The following TRPC7 variants were observed in gnomAD, a reference collection of about 807,000 sequenced individuals.
TRPC7 encodes the protein transient receptor potential cation channel subfamily C member 7.
In TRPC7, 42 loss-of-function variants were observed where a neutral mutation model predicts 90.1. That is an observed-to-expected ratio of 0.47 (90% CI 0.36 to 0.60). TRPC7 has a LOEUF of 0.60. Among genes scored for constraint, TRPC7 ranks in the 20% least tolerant of loss-of-function variants. TRPC7 has a pLI of 0.00. For missense variants in TRPC7, 955 were observed against 1,112.3 expected (o/e 0.86, Z 2.01); for synonymous variants, 451 against 436.3 (o/e 1.03, Z -0.42).
At chr5:136,221,421 G>A (rs143285017) in intron 10 of TRPC7, among the ~76,000 whole-genome samples, 17 of 152,266 alleles carry the variant, frequency 1.1e-4, no homozygotes, top group East Asian at 1.9e-4. Flanking sequence ...GCCCAGACCC[G>A]GCCCAAACTA....
Position 136,231,415 on chromosome 5 carries a change from A to G in TRPC7, c.1979T>C (p.Met660Thr), listed in dbSNP as rs1179975834. 1.2e-6 allele frequency: 2 copies of G among 1,612,882 alleles called. No individual in the cohort carries two copies. The highest frequency in any genetic ancestry group is 1.7e-5 in the Admixed American group (1 of 59,970). ...TAGCATGTTGAGCAACACTACCACC[A>G]TGGTGACGTTATAAACGCCGTAGAG... ...YVLYGVYNVT[M>T]VVVLLNMLIA... The change falls in exon 8 of 12, where the codon ATG (methionine) becomes ACG (threonine). Residue 660 changes from methionine (M) to threonine (T), a missense_variant. By Grantham distance (81) the Met-to-Thr change is moderately conservative. Around this residue, in one of 4 missense-constraint regions of TRPC7, gnomAD observed 296 missense variants for 422.7 expected, o/e 0.70. Coordinates refer to ENST00000513104, the MANE Select transcript of TRPC7 (RefSeq NM_020389.3).
intron 3 of TRPC7, among the ~76,000 whole-genome samples, chr5:136,299,669 C>T (rs1758309680): frequency 6.6e-6 from 1 of 152,106 alleles, no homozygotes; most frequent in Non-Finnish European, 1.5e-5. Context: ...CATATATGAG[C>T]ATCGAATAAT....
At chr5:136,239,148 CATTA>C (rs553238496) in intron 7 of TRPC7, among the ~76,000 whole-genome samples, 17 of 152,192 alleles carry the variant, frequency 1.1e-4, no homozygotes, top group Admixed American at 9.2e-4. Context: ...GCCTAACTTG[CATTA>C]ATTAATTAAT....
intron 3 of TRPC7, among the ~76,000 whole-genome samples, chr5:136,293,030 C>T (rs1465400052): frequency 2.6e-5 from 4 of 152,118 alleles, no homozygotes; most frequent in Non-Finnish European, 4.4e-5. Flanking sequence ...ATAAACAGAA[C>T]CAAAGACAAA....
At chr5:136,264,112 T>C (rs574772027) in intron 5 of TRPC7, among the ~76,000 whole-genome samples, 42 of 152,346 alleles carry the variant, frequency 2.8e-4, no homozygotes, top group African/African-American at 1.0e-3. Context: ...TGAATTCTGC[T>C]CTGAGGGTCA....
chr5:136,266,206 A>G lies in TRPC7; in HGVS notation c.1345+14T>C. On this transcript the variant is annotated intron_variant, in intron 5 of 11. Coordinates refer to ENST00000513104, the MANE Select transcript of TRPC7 (RefSeq NM_020389.3). Reference sequence around the variant, plus strand: ...ATTAGCAAGGAGAGAATAAAAATAGAGTGACTTGCTTACCTAAGACCCACT... The same window carrying G: ...ATTAGCAAGGAGAGAATAAAAATAGGGTGACTTGCTTACCTAAGACCCACT... 1 of 1,602,898 alleles carries G rather than the reference A, an allele frequency of 6.2e-7. No homozygotes were observed. Among genetic ancestry groups the G allele is most frequent in the East Asian group, 2.2e-5 (1 of 44,804 alleles).
chr5:136,320,732 CTT>C (rs1340645112), intron 2 of TRPC7, among the ~76,000 whole-genome samples: 1 of 152,176 alleles, frequency 6.6e-6, no homozygotes, highest in Non-Finnish European at 1.5e-5. Context: ...TTCAAACACA[CTT>C]AGTGTGGACC....
intron 2 of TRPC7, among the ~76,000 whole-genome samples, chr5:136,354,169 A>G (rs1163360147): frequency 6.6e-6 from 1 of 152,246 alleles, no homozygotes; most frequent in Non-Finnish European, 1.5e-5. Context: ...AATGCAGAAT[A>G]GGTCAGAAGA....
intron 3 of TRPC7, among the ~76,000 whole-genome samples, chr5:136,308,738 T>A (rs1561712995): frequency 6.6e-6 from 1 of 152,168 alleles, no homozygotes; most frequent in Non-Finnish European, 1.5e-5. Flanking sequence ...TCTGAGCACA[T>A]ATTTAGGCCA....
At chr5:136,295,077 G>A (rs956583741) in intron 3 of TRPC7, among the ~76,000 whole-genome samples, 1 of 150,174 alleles carries the variant, frequency 6.7e-6, no homozygotes, top group African/African-American at 2.4e-5. Context: ...TGATAGGTGG[G>A]AATTGAACAA....
intron 5 of TRPC7, among the ~76,000 whole-genome samples, chr5:136,258,427 C>G (rs1411046957): frequency 6.6e-6 from 1 of 152,212 alleles, no homozygotes; most frequent in Non-Finnish European, 1.5e-5. Context: ...TCCAGCATGT[C>G]AATCACAGGA....
At chr5:136,287,722 A>ACC (rs1757774998) in intron 3 of TRPC7, among the ~76,000 whole-genome samples, 9 of 115,958 alleles carry the variant, frequency 7.8e-5, no homozygotes, top group South Asian at 4.8e-4. Flanking sequence ...AAAAAAAAAA[A>ACC]AAAAAAACCC....
In TRPC7 at chr5:136,216,305, C is replaced by T. The variant is rs59717732; in HGVS notation, c.2344-30G>A. On this transcript the variant is annotated intron_variant, in intron 10 of 11. Transcript: ENST00000513104. The stretch of plus-strand genomic sequence containing the variant: ...AATGCCAAGCAAGGAAGGGATCAGA[C>T]AGGGCTGGCCTAATGCAGAGGCAGC... 990 of 1,582,450 alleles carry T rather than the reference C, an allele frequency of 6.3e-4. 2 individuals are homozygous for T. The African/African-American group carries it at 0.012, about 19-fold the overall frequency.
intron 7 of TRPC7, among the ~76,000 whole-genome samples, chr5:136,243,133 C>A (rs1322891963): frequency 6.6e-6 from 1 of 152,166 alleles, no homozygotes. Flanking sequence ...AGAATGCTTG[C>A]CCTTCCTCTT....
chr5:136,336,449 GTTGT>G (rs763401169), intron 2 of TRPC7, among the ~76,000 whole-genome samples: 2 of 151,532 alleles, frequency 1.3e-5, no homozygotes, highest in East Asian at 1.9e-4. Flanking sequence ...CAATTCAGAT[GTTGT>G]TTATGAAAAT....
intron 3 of TRPC7, among the ~76,000 whole-genome samples, chr5:136,292,940 T>G (rs1483072316): frequency 6.6e-6 from 1 of 152,152 alleles, no homozygotes; most frequent in Non-Finnish European, 1.5e-5. Flanking sequence ...AAAAAGCTTA[T>G]CCACCATGAT....
Position 136,283,002 on chromosome 5 carries a change from C to G in TRPC7, c.964-8165G>C, listed in dbSNP as rs140870011. Among the ~76,000 whole-genome samples, 772 of 152,300 alleles carry G rather than the reference C, an allele frequency of 5.1e-3. 5 individuals are homozygous for G. The highest frequency in any genetic ancestry group is 0.018 in the African/African-American group (735 of 41,576). On this transcript the variant is annotated intron_variant, in intron 3 of 11. Coordinates refer to ENST00000513104, the MANE Select transcript of TRPC7 (RefSeq NM_020389.3). ...CATGATAGCCTCCTATGTATTCCTA[C>G]TCAAGTCATTCTACCTGTCACTCAG...
At chr5:136,299,264 G>T (rs930828949) in intron 3 of TRPC7, among the ~76,000 whole-genome samples, 1 of 149,872 alleles carries the variant, frequency 6.7e-6, no homozygotes, top group Non-Finnish European at 1.5e-5. Context: ...TCACACCATT[G>T]CACTTCAGCC....
chr5:136,231,869 T>G (rs1755827055), intron 7 of TRPC7, among the ~76,000 whole-genome samples: 1 of 152,206 alleles, frequency 6.6e-6, no homozygotes, highest in Non-Finnish European at 1.5e-5. Flanking sequence ...CCTCCCACAG[T>G]GCTGGGATGA....
Sources: gnomAD v4.1 joint callset for allele counts (sites outside exome capture counted in the v4.1 genomes callset) on GRCh38, gnomAD v4.1.1 for gene constraint, gnomAD v4.1.1 regional missense constraint, MANE v1.5 for transcripts, NCBI Gene and HGNC (gene_info 2026-07-23, HGNC 2026-07-21) for gene names.